GFRA2: variants seen among roughly 807,000 people sequenced by gnomAD.
GFRA2 encodes GDNF family receptor alpha-2.
In GFRA2, 17 loss-of-function variants were observed where a neutral mutation model predicts 48.3. The observed-to-expected ratio is 0.35, with a 90% CI of 0.24 to 0.53. The LOEUF (loss-of-function observed/expected upper bound fraction) is 0.53, where lower values mean the gene tolerates loss of function less well. Among genes scored for constraint, GFRA2 ranks in the 20% least tolerant of loss-of-function variants. The pLI is 0.93. For missense variants in GFRA2, 660 were observed against 637.3 expected (o/e 1.04, Z -0.38); for synonymous variants, 305 against 257.2 (o/e 1.19, Z -1.78).
intron 3 of GFRA2, 44 bp downstream of exon 3, chr8:21,774,928 G>T: frequency 1.9e-6 from 2 of 1,054,700 alleles, no homozygotes; most frequent in East Asian, 2.4e-5. Context: ...CATGCCACAG[G>T]GACGAGAGGA....
At chr8:21,719,203 G>A (rs1310550963) in intron 4 of GFRA2, among the ~76,000 whole-genome samples, 5 of 152,128 alleles carry the variant, frequency 3.3e-5, no homozygotes, top group Admixed American at 3.3e-4. Context: ...AGAGCAGGGG[G>A]TCCAAGTCTG....
At chr8:21,699,722 G>T (rs1275914255) in intron 7 of GFRA2, among the ~76,000 whole-genome samples, 1 of 152,210 alleles carries the variant, frequency 6.6e-6, no homozygotes, top group Non-Finnish European at 1.5e-5. Flanking sequence ...CGCACAGAGG[G>T]CACCTAGGAG....
chr8:21,697,185 G>GAGGGGAGGGGACAGAGGGT (rs1802248297), intron 7 of GFRA2, among the ~76,000 whole-genome samples: 1 of 136,510 alleles, frequency 7.3e-6, no homozygotes, highest in African/African-American at 2.8e-5. Context: ...GGACAGAGGA[G>GAGGGGAGGGGACAGAGGGT]AGGGAGAGGG....
chr8:21,788,031 TC>T, intron 1 of GFRA2, 88 bp downstream of exon 1: 1 of 432,236 alleles, frequency 2.3e-6, no homozygotes, highest in Non-Finnish European at 3.8e-6. Flanking sequence ...CCCGCCGACC[TC>T]CCGCCAGCCC....
chr8:21,724,379 C>T (rs1803754866), intron 4 of GFRA2, among the ~76,000 whole-genome samples: 1 of 152,094 alleles, frequency 6.6e-6, no homozygotes, highest in Non-Finnish European at 1.5e-5. Flanking sequence ...CCCAGTATTG[C>T]CACGCTGGAA....
chr8:21,700,875 T>C lies in GFRA2; in HGVS notation c.1218+1930A>G, dbSNP rs1802439649. Among the ~76,000 whole-genome samples, 3 of 152,046 alleles carry C rather than the reference T, an allele frequency of 2.0e-5. No homozygotes were observed. In the South Asian group the frequency reaches 6.2e-4, roughly 31 times the overall value. On this transcript the variant is annotated intron_variant, in intron 7 of 8. Coordinates refer to ENST00000524240, the MANE Select transcript of GFRA2 (RefSeq NM_001495.5). ...TCTGTCCCTGTGATCACTCAGGTAC[T>C]CCCTTCTATAGCTATGGGTGCCCCT...
rs143474711 is a variant in GFRA2, at chr8:21,750,806, G to A, written c.576C>T (p.Thr192=). ...ISICNREISP[T]ERCNRRKCHK... ...GGCACTTGCGGCGGTTGCAGCGCTC[G>A]GTGGGCGAGATCTCGCGGTTGCAGA... is the stretch of plus-strand genomic sequence containing the variant. Residue 192 remains threonine (T), a synonymous_variant, in exon 4 of 9, where the codon ACC becomes ACT. Coordinates refer to ENST00000524240, the MANE Select transcript of GFRA2 (RefSeq NM_001495.5). This position sits in a 1 kb window ranked among gnomAD's most constrained non-coding sequence, Gnocchi z 5.7. 5.9e-5 allele frequency: 95 copies of A among 1,614,002 alleles called. No homozygotes were observed. Among genetic ancestry groups the A allele is most frequent in the East Asian group, 4.0e-4 (18 of 44,874 alleles).
intron 4 of GFRA2, among the ~76,000 whole-genome samples, chr8:21,708,368 G>C (rs1276026137): frequency 2.6e-5 from 4 of 152,200 alleles, no homozygotes; most frequent in African/African-American, 4.8e-5. Context: ...AAATGAGAGA[G>C]AGTGCTATGA....
chr8:21,731,343 G>C (rs909885228), intron 4 of GFRA2, among the ~76,000 whole-genome samples: 1 of 152,180 alleles, frequency 6.6e-6, no homozygotes, highest in African/African-American at 2.4e-5. Context: ...AGAACGATGA[G>C]GATGTGGCCA....
chr8:21,724,631 G>C (rs1803769372), intron 4 of GFRA2, among the ~76,000 whole-genome samples: 1 of 152,138 alleles, frequency 6.6e-6, no homozygotes, highest in African/African-American at 2.4e-5. Context: ...GCAAGCAAAG[G>C]GTCTGCAGGG....
chr8:21,762,371 T>A (rs192607519), intron 3 of GFRA2, among the ~76,000 whole-genome samples: 35 of 152,284 alleles, frequency 2.3e-4, no homozygotes, highest in African/African-American at 7.2e-4. Context: ...TGAACCCTTG[T>A]CCCCTACTGC....
chr8:21,748,795 A>G (rs1805133452), intron 4 of GFRA2, among the ~76,000 whole-genome samples: 1 of 152,126 alleles, frequency 6.6e-6, no homozygotes, highest in South Asian at 2.1e-4. Flanking sequence ...ACCCACTACA[A>G]TCCCCATTTC....
intron 1 of GFRA2, among the ~76,000 whole-genome samples, chr8:21,784,909 G>A (rs796796491): frequency 8.9e-4 from 135 of 152,224 alleles, no homozygotes; most frequent in African/African-American, 3.0e-3. Flanking sequence ...GCGTACAGCC[G>A]GGCCCCCCAA....
chr8:21,775,766 C>G (rs1806660954), intron 2 of GFRA2, among the ~76,000 whole-genome samples: 2 of 152,150 alleles, frequency 1.3e-5, no homozygotes, highest in African/African-American at 4.8e-5. Context: ...TTCTCCCCAC[C>G]ACCTGCAGGC....
upstream of GFRA2, chr8:21,790,149 G>T: frequency 1.0e-6 from 1 of 956,780 alleles, no homozygotes; most frequent in Non-Finnish European, 1.2e-6. Context: ...AAGGGCTGGA[G>T]GAGAGGTGCG....
At chr8:21,697,060 AG>A (rs1802225363) in intron 7 of GFRA2, among the ~76,000 whole-genome samples, 1 of 48,714 alleles carries the variant, frequency 2.1e-5, no homozygotes, top group Non-Finnish European at 3.9e-5. Context: ...AGGAGAGGGA[AG>A]GGGACCGAGG....
intron 3 of GFRA2, among the ~76,000 whole-genome samples, chr8:21,765,720 C>A (rs1379809196): frequency 6.6e-6 from 1 of 152,102 alleles, no homozygotes; most frequent in Non-Finnish European, 1.5e-5. Context: ...GGCAACTCCA[C>A]CCTAAAATGG....
chr8:21,806,732 A>C (rs1294842886), intron 1 of GFRA2, among the ~76,000 whole-genome samples: 1 of 152,176 alleles, frequency 6.6e-6, no homozygotes. Context: ...CTCCCAAAGC[A>C]CTGGGATTAC....
chr8:21,754,237 T>A (rs891135640), intron 3 of GFRA2, among the ~76,000 whole-genome samples: 1 of 152,224 alleles, frequency 6.6e-6, no homozygotes, highest in African/African-American at 2.4e-5. Context: ...GCTGTGTCCC[T>A]AGTACCCTGT....
Sources: gnomAD v4.1 joint callset for allele counts (sites outside exome capture counted in the v4.1 genomes callset) on GRCh38, gnomAD v4.1.1 for gene constraint, Gnocchi (gnomAD v3.1) non-coding constraint, MANE v1.5 for transcripts, NCBI Gene and HGNC (gene_info 2026-07-23, HGNC 2026-07-21) for gene names.